Variants in SND1 observed in about 807,000 individuals in gnomAD.
SND1 encodes the protein staphylococcal nuclease domain-containing protein 1.
Under a neutral mutation model 121.7 loss-of-function variants are expected in SND1, and 38 were observed. That is an observed-to-expected ratio of 0.31 (90% CI 0.24 to 0.41). SND1 has a LOEUF of 0.41. Among genes scored for constraint, SND1 ranks in the 10% least tolerant of loss-of-function variants. The pLI is 1.00. For synonymous variants in SND1, 401 were observed against 447.4 expected, an observed-to-expected ratio of 0.90 and a Z score of 1.31; for missense variants, 868 against 1,184.6, an observed-to-expected ratio of 0.73 and a Z score of 3.92.
At chr7:128,035,361 G>A (rs1283929829) in intron 16 of SND1, among the ~76,000 whole-genome samples, 1 of 152,230 alleles carries the variant, frequency 6.6e-6, no homozygotes, top group East Asian at 1.9e-4. Flanking sequence ...AGTTAAGTGA[G>A]AATGCTTTCT....
chr7:127,914,057 A>G (rs367780447), intron 14 of SND1, among the ~76,000 whole-genome samples: 2 of 152,248 alleles, frequency 1.3e-5, no homozygotes. Flanking sequence ...TGTTCAGCAA[A>G]TGGTGTTCTC....
At chr7:127,718,441 A>G (rs975428726) in intron 9 of SND1, 31 of 324,434 alleles carry the variant, frequency 9.6e-5, no homozygotes, top group Non-Finnish European at 1.2e-4. Flanking sequence ...TAATGACACA[A>G]TTTACAGAGG....
chr7:127,778,554 C>T (rs1797664168), intron 10 of SND1, among the ~76,000 whole-genome samples: 1 of 152,102 alleles, frequency 6.6e-6, no homozygotes, highest in South Asian at 2.1e-4. Context: ...GAATTGAATA[C>T]CATAGAAAGA....
intron 11 of SND1, among the ~76,000 whole-genome samples, chr7:127,813,530 T>G (rs1422169815): frequency 3.9e-5 from 6 of 152,168 alleles, no homozygotes; most frequent in Non-Finnish European, 8.8e-5. Flanking sequence ...ACACATTTCT[T>G]TGGTGAAGTG....
At chr7:127,660,923 G>A (rs577760913) in intron 1 of SND1, among the ~76,000 whole-genome samples, 2 of 152,146 alleles carry the variant, frequency 1.3e-5, no homozygotes, top group Middle Eastern at 3.4e-3. Flanking sequence ...GGACTGGCCT[G>A]GAAAGGTCTA....
At chr7:128,081,640 C>A in intron 18 of SND1, 139 bp downstream of exon 18, 1 of 927,004 alleles carries the variant, frequency 1.1e-6, no homozygotes, top group Non-Finnish European at 1.6e-6. Flanking sequence ...CTCACGTTGC[C>A]GCCCCTGTCT....
intron 11 of SND1, among the ~76,000 whole-genome samples, chr7:127,833,500 A>T (rs527658913): frequency 2.0e-4 from 30 of 151,950 alleles, no homozygotes; most frequent in African/African-American, 6.8e-4. Context: ...CTTGACCTCA[A>T]ATGATCCACC....
intron 12 of SND1, among the ~76,000 whole-genome samples, chr7:127,872,619 AACACACACGCAC>A (rs1480148956): frequency 9.3e-4 from 108 of 116,154 alleles, no homozygotes; most frequent in African/African-American, 3.4e-3. Flanking sequence ...GACCTTTTTT[AACACACACGCAC>A]ACACACACAC....
intron 1 of SND1, among the ~76,000 whole-genome samples, chr7:127,673,898 A>G (rs1054977252): frequency 6.6e-6 from 1 of 152,034 alleles, no homozygotes; most frequent in Admixed American, 6.6e-5. Context: ...CCAGGCTCAT[A>G]TTGTACTTTC....
At chr7:127,765,217 GCTCAGA>G (rs1563005309) in intron 10 of SND1, among the ~76,000 whole-genome samples, 2 of 152,188 alleles carry the variant, frequency 1.3e-5, no homozygotes, top group African/African-American at 4.8e-5. Context: ...CCCTCAGTGA[GCTCAGA>G]GGTCGAGGAA....
intron 10 of SND1, among the ~76,000 whole-genome samples, chr7:127,733,807 G>T (rs1796723297): frequency 6.6e-6 from 1 of 151,984 alleles, no homozygotes. Context: ...TTCTTTTCAT[G>T]GTTTCTCTCC....
At chr7:127,765,474 A>G (rs1039522961) in intron 10 of SND1, among the ~76,000 whole-genome samples, 5 of 152,254 alleles carry the variant, frequency 3.3e-5, no homozygotes, top group African/African-American at 1.2e-4. Flanking sequence ...AAAATATCAC[A>G]GAATCGTGTG....
chr7:128,083,013 G>T (rs911937576), intron 18 of SND1, among the ~76,000 whole-genome samples: 1 of 152,164 alleles, frequency 6.6e-6, no homozygotes, highest in African/African-American at 2.4e-5. Context: ...TTTGTGGTGG[G>T]CTCCAGAGAG....
chr7:127,721,274 T>G lies in SND1; in HGVS notation c.1039-13T>G. 6.2e-7 allele frequency: 1 copy of G among 1,603,448 alleles called. No individual in the cohort carries two copies. Among genetic ancestry groups the G allele is most frequent in the Non-Finnish European group, 8.5e-7 (1 of 1,170,814 alleles). On this transcript the variant is annotated splice_polypyrimidine_tract_variant and intron_variant, in intron 9 of 23. Coordinates refer to ENST00000354725, the MANE Select transcript of SND1 (RefSeq NM_014390.4). ...ATAGAAGCAGGTTTAAGCATGTTCC[T>G]TTTTGCTCACAGGTGATGCAGGTTC...
intron 12 of SND1, among the ~76,000 whole-genome samples, chr7:127,874,860 G>A (rs1209530112): frequency 6.6e-6 from 1 of 152,032 alleles, no homozygotes; most frequent in African/African-American, 2.4e-5. Context: ...ACAATATGTG[G>A]ATAGATTATT....
chr7:127,996,442 G>A (rs181041028), intron 16 of SND1, among the ~76,000 whole-genome samples: 13 of 152,194 alleles, frequency 8.5e-5, no homozygotes, highest in East Asian at 5.8e-4. Context: ...CCCCACAAGC[G>A]CTGTGGTGTA....
intron 12 of SND1, among the ~76,000 whole-genome samples, chr7:127,846,531 G>A (rs973836828): frequency 3.3e-5 from 5 of 152,148 alleles, no homozygotes; most frequent in African/African-American, 1.2e-4. Flanking sequence ...TAAAGATAGG[G>A]AATTTTGTGT....
At chr7:127,798,578 T>C (rs961963564) in intron 10 of SND1, among the ~76,000 whole-genome samples, 42 of 149,942 alleles carry the variant, frequency 2.8e-4, no homozygotes, top group Admixed American at 2.2e-3. Flanking sequence ...CCTACTTACT[T>C]TTTTTTTTAA....
chr7:127,864,046 G>T (rs1183529446), intron 12 of SND1, among the ~76,000 whole-genome samples: 4 of 152,096 alleles, frequency 2.6e-5, no homozygotes. Flanking sequence ...CCCATACCGA[G>T]TGCAGCTTGA....
Sources: gnomAD v4.1 joint callset for allele counts (sites outside exome capture counted in the v4.1 genomes callset) on GRCh38, gnomAD v4.1.1 for gene constraint, MANE v1.5 for transcripts, NCBI Gene and HGNC (gene_info 2026-07-23, HGNC 2026-07-21) for gene names.